Variants in FRK observed in about 807,000 individuals in gnomAD.
FRK encodes tyrosine-protein kinase FRK.
FRK carries 51 observed loss-of-function variants against 56.4 expected under a neutral mutation model. The ratio of observed to expected loss-of-function variants is 0.90; its 90% confidence interval spans 0.72 to 1.14. FRK has a LOEUF of 1.14. FRK is among the 50% of genes most tolerant of loss of function. The pLI is 0.00. For synonymous variants in FRK, 245 were observed against 217.9 expected (o/e 1.12, Z -1.10); for missense variants, 570 against 601.4 (o/e 0.95, Z 0.55).
intron 1 of FRK, among the ~76,000 whole-genome samples, chr6:116,042,995 A>T (rs1776785907): frequency 6.6e-6 from 1 of 152,254 alleles, no homozygotes; most frequent in South Asian, 2.1e-4. Flanking sequence ...AAAGAAGGGC[A>T]TTACATAATG....
intron 2 of FRK, among the ~76,000 whole-genome samples, chr6:115,970,800 C>T (rs1335658607): frequency 6.6e-6 from 1 of 152,110 alleles, no homozygotes; most frequent in Non-Finnish European, 1.5e-5. Context: ...GTAGTCACAG[C>T]TACTTGGGAA....
chr6:115,983,819 C>G (rs1336791727), intron 2 of FRK, among the ~76,000 whole-genome samples: 2 of 152,098 alleles, frequency 1.3e-5, no homozygotes, highest in African/African-American at 4.8e-5. Context: ...TTCCAGTCAC[C>G]AACATCATCT....
At chr6:116,066,673 CT>C in the FRK span, among the ~76,000 whole-genome samples, 2 of 152,182 alleles carry the variant, frequency 1.3e-5, no homozygotes, top group Non-Finnish European at 2.9e-5. Context: ...TCTGGCACCA[CT>C]CTTCTGGCTC....
chr6:115,967,747 G>C, intron 3 of FRK, 28 bp from the exon 4 acceptor site: 2 of 1,189,042 alleles, frequency 1.7e-6, no homozygotes, highest in Non-Finnish European at 1.1e-6. Flanking sequence ...AAGAGCAATT[G>C]TTAAAAAAAA....
chr6:115,950,949 C>T (rs1772719753), intron 5 of FRK, among the ~76,000 whole-genome samples: 1 of 152,162 alleles, frequency 6.6e-6, no homozygotes, highest in Non-Finnish European at 1.5e-5. Context: ...TGTTCTCACT[C>T]ATAAGTGAGA....
At chr6:116,066,787 C>A in the FRK span, among the ~76,000 whole-genome samples, 1 of 152,166 alleles carries the variant, frequency 6.6e-6, no homozygotes, top group Non-Finnish European at 1.5e-5. Flanking sequence ...TAATCAACAA[C>A]ATTCTTGTCC....
chr6:115,984,055 A>T (rs1774303851), intron 2 of FRK, among the ~76,000 whole-genome samples: 1 of 152,098 alleles, frequency 6.6e-6, no homozygotes, highest in Non-Finnish European at 1.5e-5. Context: ...TTACAGGGTA[A>T]TTCATTTTTC....
At chr6:116,039,598 GC>G in intron 1 of FRK, 1 of 783,510 alleles carries the variant, frequency 1.3e-6, no homozygotes. Context: ...GGTGTCATCT[GC>G]CCCCTCTTGC....
intron 1 of FRK, among the ~76,000 whole-genome samples, chr6:116,037,122 TCTAATACC>T (rs1278114296): frequency 6.6e-6 from 1 of 152,180 alleles, no homozygotes; most frequent in African/African-American, 2.4e-5. Flanking sequence ...GTTAACTTAC[TCTAATACC>T]CTACAGAAGC....
At chr6:116,004,099 G>T in intron 1 of FRK, 101 bp from the exon 2 acceptor site, 1 of 1,016,920 alleles carries the variant, frequency 9.8e-7, no homozygotes, top group Non-Finnish European at 1.4e-6. Context: ...AAAATGTTTG[G>T]TATTCTTTAG....
At chr6:116,083,551 T>A in the FRK span, among the ~76,000 whole-genome samples, 735 of 152,336 alleles carry the variant, frequency 4.8e-3, 2 homozygotes, top group Non-Finnish European at 8.7e-3. Flanking sequence ...TTTATAGCAA[T>A]GATTCTCAAA....
chr6:116,088,820 A>T, the FRK span, among the ~76,000 whole-genome samples: 1 of 152,244 alleles, frequency 6.6e-6, no homozygotes, highest in African/African-American at 2.4e-5. Context: ...TTAAGTCATG[A>T]AAGTAAACAC....
At chr6:115,994,320 A>G (rs62414101) in intron 2 of FRK, among the ~76,000 whole-genome samples, 1 of 50,390 alleles carries the variant, frequency 2.0e-5, no homozygotes, top group Non-Finnish European at 4.5e-5. Context: ...AGAATCTCAC[A>G]ACCTCCCCCC....
chr6:116,011,864 T>C lies in FRK; in HGVS notation c.345-7866A>G, dbSNP rs11970113. 4.2e-3 allele frequency among the ~76,000 whole-genome samples: 643 copies of C among 152,318 alleles called. 7 individuals are homozygous for C. The highest frequency in any genetic ancestry group is 0.015 in the African/African-American group (624 of 41,570). On this transcript the variant is annotated intron_variant, in intron 1 of 7. Transcript: ENST00000606080. ...AGAAAATCTCTGTGAGAGTTCTTCC[T>C]GTCAAGGTAATTATTTCCCTCCCTT...
At position 115,998,918 on chromosome 6, in the gene FRK, G is replaced by A. The variant is rs189549966; in HGVS notation, c.466+4959C>T. On this transcript the variant is annotated intron_variant, in intron 2 of 7. Coordinates refer to ENST00000606080, the MANE Select transcript of FRK (RefSeq NM_002031.3). ...TTGGTGCTGAACAGGTTTCACTGAC[G>A]AAAAATGTGAAAGCTCTACTACTCT... is the stretch of plus-strand genomic sequence containing the variant. Among the ~76,000 whole-genome samples, 515 of 152,242 alleles carry A rather than the reference G, an allele frequency of 3.4e-3. 6 individuals are homozygous for A. Among genetic ancestry groups the A allele is most frequent in the African/African-American group, 0.012 (498 of 41,548 alleles).
intron 1 of FRK, among the ~76,000 whole-genome samples, chr6:116,014,758 G>T (rs1775587751): frequency 6.6e-6 from 1 of 152,140 alleles, no homozygotes; most frequent in South Asian, 2.1e-4. Context: ...AATGTGACTT[G>T]TTCTTTAAAA....
intron 1 of FRK, among the ~76,000 whole-genome samples, chr6:116,031,058 G>GAA (rs981312773): frequency 6.6e-6 from 1 of 152,050 alleles, no homozygotes; most frequent in African/African-American, 2.4e-5. Flanking sequence ...GCAAAACATG[G>GAA]AAAAATCTTT....
At chr6:115,978,644 C>T (rs756391155) in intron 2 of FRK, among the ~76,000 whole-genome samples, 36 of 151,984 alleles carry the variant, frequency 2.4e-4, no homozygotes, top group Admixed American at 2.1e-3. Flanking sequence ...CAACAGCCTG[C>T]ATAAATGATG....
chr6:116,055,666 T>A (rs1372298704), intron 1 of FRK, among the ~76,000 whole-genome samples: 1 of 152,086 alleles, frequency 6.6e-6, no homozygotes, highest in Non-Finnish European at 1.5e-5. Flanking sequence ...TAAAGCCAAA[T>A]TATATATATA....
Sources: allele counts gnomAD v4.1 joint callset (sites outside exome capture counted in the v4.1 genomes callset), GRCh38; gene constraint gnomAD v4.1.1; transcripts MANE v1.5; gene names NCBI Gene and HGNC (gene_info 2026-07-23, HGNC 2026-07-21).